Variants in DMD observed in about 807,000 individuals in gnomAD.
DMD encodes the protein mutant dystrophin.
Under a neutral mutation model 330.1 loss-of-function variants are expected in DMD, and 63 were observed. That is an observed-to-expected ratio of 0.19 (90% CI 0.16 to 0.24). The LOEUF is 0.24. Among genes scored for constraint, DMD ranks in the 10% least tolerant of loss-of-function variants. The probability of loss-of-function intolerance (pLI) is 1.00; values close to 1 mark genes in which losing one functional copy is unlikely to be tolerated. For missense variants in DMD, 3,344 were observed against 2,684.1 expected (o/e 1.25, Z -5.43); for synonymous variants, 1,223 against 959.8 (o/e 1.27, Z -5.07).
intron 1 of DMD, among the ~76,000 whole-genome samples, chrX:33,292,424 A>G (rs1211831185): frequency 3.6e-5 from 4 of 111,770 alleles, no homozygotes; most frequent in African/African-American, 6.5e-5. Context: ...TTATTTATAA[A>G]CAGATATACA....
At chrX:32,003,434 G>A (rs2095640530) in intron 44 of DMD, among the ~76,000 whole-genome samples, 3 of 111,596 alleles carry the variant, frequency 2.7e-5, no homozygotes, top group Admixed American at 9.5e-5. Flanking sequence ...TTTAGACCCA[G>A]CTTTTTGAGA....
chrX:32,359,933 G>C (rs1191081566), intron 37 of DMD, among the ~76,000 whole-genome samples: 3 of 109,621 alleles, frequency 2.7e-5, no homozygotes, highest in African/African-American at 9.9e-5. Context: ...TTTTGGGCAG[G>C]ATAGGTTTTC....
chrX:31,893,310 C>T (rs865997450), intron 47 of DMD, among the ~76,000 whole-genome samples: 2 of 111,166 alleles, frequency 1.8e-5, no homozygotes, highest in African/African-American at 6.5e-5. Context: ...AGCAACCTTA[C>T]GTATGTTAAT....
intron 59 of DMD, among the ~76,000 whole-genome samples, chrX:31,467,007 T>C (rs1242537128): frequency 8.9e-6 from 1 of 112,285 alleles, no homozygotes; most frequent in African/African-American, 3.2e-5. Flanking sequence ...TTTTTCCACA[T>C]TGATTTTGTA....
chrX:31,759,696 T>C (rs1306482721), intron 51 of DMD, among the ~76,000 whole-genome samples: 1 of 111,787 alleles, frequency 8.9e-6, no homozygotes, highest in Non-Finnish European at 1.9e-5. Flanking sequence ...AAAGCAGTAA[T>C]CTATTTTTAT....
intron 55 of DMD, among the ~76,000 whole-genome samples, chrX:31,589,529 C>G (rs1461657599): frequency 9.0e-6 from 1 of 111,510 alleles, no homozygotes; most frequent in African/African-American, 3.3e-5. Flanking sequence ...AGTTGAAACT[C>G]TGAAGGCATT....
chrX:32,666,300 A>G (rs868749409), intron 9 of DMD, among the ~76,000 whole-genome samples: 9 of 110,653 alleles, frequency 8.1e-5, no homozygotes, highest in South Asian at 7.8e-4. Flanking sequence ...TCAACCCGTC[A>G]TCCAGGTTTT....
intron 52 of DMD, among the ~76,000 whole-genome samples, chrX:31,692,467 C>T (rs192621243): frequency 9.0e-4 from 100 of 110,916 alleles, no homozygotes; most frequent in Middle Eastern, 4.6e-3. Context: ...GAAAAAAAGT[C>T]AATAAAACTA....
At chrX:32,042,124 T>G in intron 44 of DMD, among the ~76,000 whole-genome samples, 1 of 92,067 alleles carries the variant, frequency 1.1e-5, no homozygotes, top group East Asian at 3.3e-4. Context: ...TACACACATA[T>G]GTATACATAT....
intron 51 of DMD, among the ~76,000 whole-genome samples, chrX:31,770,755 A>C (rs5927849): frequency 0.12 from 13,350 of 111,273 alleles, 657 homozygotes; most frequent in East Asian, 0.26. Context: ...CAGGCAGGTT[A>C]TTATCCTTAC....
intron 1 of DMD, among the ~76,000 whole-genome samples, chrX:33,232,099 A>G (rs2052397850): frequency 8.9e-6 from 1 of 112,165 alleles, no homozygotes; most frequent in Non-Finnish European, 1.9e-5. Context: ...TATTGGTGAA[A>G]TTATCCTTCA....
intron 7 of DMD, among the ~76,000 whole-genome samples, chrX:32,728,633 T>A (rs1410602475): frequency 8.9e-6 from 1 of 112,306 alleles, no homozygotes; most frequent in Non-Finnish European, 1.9e-5. Context: ...CCTTGGCCTA[T>A]GAGAAAATGT....
chrX:32,397,688 C>T (rs1224525386), intron 30 of DMD, among the ~76,000 whole-genome samples: 2 of 111,247 alleles, frequency 1.8e-5, no homozygotes, highest in Non-Finnish European at 3.8e-5. Flanking sequence ...ATCATTCAAA[C>T]ATTAATCACA....
intron 44 of DMD, among the ~76,000 whole-genome samples, chrX:32,085,342 G>A (rs983206608): frequency 9.2e-6 from 1 of 109,266 alleles, no homozygotes; most frequent in East Asian, 2.9e-4. Flanking sequence ...ATTTTATTAT[G>A]TGAGTATGTT....
chrX:32,705,599 A>C (rs1361834782), intron 7 of DMD, among the ~76,000 whole-genome samples: 1 of 111,413 alleles, frequency 9.0e-6, no homozygotes, highest in Non-Finnish European at 1.9e-5. Flanking sequence ...GCATCGCCTG[A>C]GGTTAGGAAT....
Position 32,390,106 on chromosome X carries a change from C to A in DMD, c.4309G>T (p.Ala1437Ser), listed in dbSNP as rs886043766. 1.7e-6 allele frequency: 2 copies of A among 1,209,340 alleles called. No homozygotes were observed. The highest frequency in any genetic ancestry group is 2.2e-6 in the Non-Finnish European group (2 of 893,348). Residue 1437 changes from alanine to serine, a missense_variant, in exon 31 of 79, where the codon GCC (alanine) becomes TCC (serine). Transcript: ENST00000357033. ...TCAATCTGAGACAGGACTCTTTGGG[C>A]AGCCTCCTTCCCCTGATTATGTTTC... is the stretch of plus-strand genomic sequence containing the variant. ...MKKHNQGKEAAQRVLSQIDVA... is the reference protein window; with the variant it reads ...MKKHNQGKEASQRVLSQIDVA...
chrX:32,783,197 T>G (rs2074995479), intron 7 of DMD, among the ~76,000 whole-genome samples: 3 of 94,860 alleles, frequency 3.2e-5, no homozygotes, highest in Non-Finnish European at 4.4e-5. Context: ...CATATATGTA[T>G]ACATATACAC....
chrX:32,542,738 G>A (rs2048601294), intron 17 of DMD, among the ~76,000 whole-genome samples: 2 of 112,133 alleles, frequency 1.8e-5, no homozygotes, highest in Admixed American at 9.4e-5. Context: ...ATTCCACCCT[G>A]TAGACAATTA....
At chrX:31,325,887 A>G (rs1412335318) in intron 61 of DMD, among the ~76,000 whole-genome samples, 2 of 110,485 alleles carry the variant, frequency 1.8e-5, no homozygotes, top group Non-Finnish European at 3.8e-5. Context: ...AAGAATGGCT[A>G]TTCTTTCCTT....
Sources: gnomAD v4.1 joint callset for allele counts (sites outside exome capture counted in the v4.1 genomes callset) on GRCh38, gnomAD v4.1.1 for gene constraint, MANE v1.5 for transcripts, NCBI Gene and HGNC (gene_info 2026-07-23, HGNC 2026-07-21) for gene names.